Variants in RELN observed in about 807,000 individuals in gnomAD.
The protein encoded by RELN is reelin.
In RELN, 108 loss-of-function variants were observed where a neutral mutation model predicts 427.6. That is an observed-to-expected ratio of 0.25 (90% CI 0.22 to 0.30). The LOEUF (loss-of-function observed/expected upper bound fraction) is 0.30. Among genes scored for constraint, RELN ranks in the 10% least tolerant of loss-of-function variants. The pLI is 1.00. For missense variants in RELN, 3,715 were observed against 4,302.8 expected (o/e 0.86, Z 3.82); for synonymous variants, 1,524 against 1,513.4 (o/e 1.01, Z -0.16).
rs911503925 is a variant in RELN, at chr7:103,569,394, A to T, written c.4589-2635T>A. 4.6e-5 allele frequency among the ~76,000 whole-genome samples: 7 copies of T among 152,230 alleles called. No individual in the cohort carries two copies. The highest frequency in any genetic ancestry group is 1.0e-4 in the Non-Finnish European group (7 of 68,030). On this transcript the variant is annotated intron_variant, in intron 31 of 64. Transcript: ENST00000428762. This position sits in a 1 kb window ranked among gnomAD's most constrained non-coding sequence, Gnocchi z 4.0. ...GACCCTGGGCCAGAACCATTTAGCT[A>T]AGCTGCTCCAAAATTCCTGACTCAC...
At chr7:103,863,268 T>G (rs868341779) in intron 2 of RELN, among the ~76,000 whole-genome samples, 6 of 152,128 alleles carry the variant, frequency 3.9e-5, no homozygotes, top group South Asian at 2.1e-4. Context: ...TTATAGTATC[T>G]TCAAAAGACA....
At chr7:103,688,438 A>G (rs1325713105) in intron 10 of RELN, among the ~76,000 whole-genome samples, 2 of 152,080 alleles carry the variant, frequency 1.3e-5, no homozygotes, top group Non-Finnish European at 2.9e-5. Context: ...GAGGTGCCCA[A>G]TTGAACATTG....
chr7:103,908,869 T>C (rs1001120797), intron 2 of RELN, among the ~76,000 whole-genome samples: 9 of 140,778 alleles, frequency 6.4e-5, no homozygotes, highest in Non-Finnish European at 1.1e-4. Flanking sequence ...CTCTGCTCTT[T>C]GTACATTGGC....
intron 8 of RELN, among the ~76,000 whole-genome samples, chr7:103,715,794 C>T (rs1789922516): frequency 6.6e-6 from 1 of 152,226 alleles, no homozygotes; most frequent in Non-Finnish European, 1.5e-5. Context: ...TGCCCACCCC[C>T]TGCAGGTTTT....
rs116437202 is a variant in RELN, at chr7:103,489,860, A to G, written c.9645T>C (p.Thr3215=). The change falls in exon 60 of 65, where the codon ACT becomes ACC. Residue 3215 remains threonine, a synonymous_variant. Coordinates refer to ENST00000428762, the MANE Select transcript of RELN (RefSeq NM_005045.4). ...GGTCAATTGCCCAGCTTTGCTTCTC[A>G]GTTTCTTCTCCCTTCTGGATCCAGC... The part of the protein sequence containing the change: ...QFRWIQKGEE[T]EKQSWAIDHV... 3 of 1,614,142 alleles carry G rather than the reference A, an allele frequency of 1.9e-6. No individual in the cohort carries two copies. Among genetic ancestry groups the G allele is most frequent in the African/African-American group, 1.3e-5 (1 of 75,030 alleles).
At chr7:103,743,855 A>G (rs369209670) in intron 6 of RELN, among the ~76,000 whole-genome samples, 42 of 152,206 alleles carry the variant, frequency 2.8e-4, no homozygotes, top group Admixed American at 6.5e-4. Context: ...ACAGATCAAC[A>G]AGACAGAAAG....
intron 3 of RELN, among the ~76,000 whole-genome samples, chr7:103,825,960 G>C (rs1423825642): frequency 6.6e-6 from 1 of 151,994 alleles, no homozygotes; most frequent in Non-Finnish European, 1.5e-5. Flanking sequence ...CAATGCAACA[G>C]TGTTGAGAGG....
chr7:103,657,378 A>G (rs1365578382), intron 12 of RELN, among the ~76,000 whole-genome samples: 1 of 152,078 alleles, frequency 6.6e-6, no homozygotes, highest in Non-Finnish European at 1.5e-5. Flanking sequence ...GATTATATAT[A>G]AATACGTATA....
In RELN at chr7:103,539,111, C is replaced by A; in HGVS notation, c.7147G>T (p.Ala2383Ser). ...NEDSFLQIDF[A>S]ASCSVTDSCY... ...GAGTCTGTGACTGAGCAGGAGGCAGCGAAGTCTATCTGTAGGAAGGAATCC... is the reference window on the plus strand; with the variant it reads ...GAGTCTGTGACTGAGCAGGAGGCAGAGAAGTCTATCTGTAGGAAGGAATCC... The change falls in exon 45 of 65, where the codon GCT (alanine) becomes TCT (serine). Residue 2383 changes from alanine to serine, a missense_variant. Transcript: ENST00000428762. The A allele has an allele frequency of 1.2e-6, 2 of 1,614,126 alleles. No individual in the cohort carries two copies. Among genetic ancestry groups the A allele is most frequent in the Non-Finnish European group, 1.7e-6 (2 of 1,180,008 alleles).
intron 16 of RELN, among the ~76,000 whole-genome samples, chr7:103,647,125 A>G (rs974288005): frequency 1.3e-5 from 2 of 152,078 alleles, no homozygotes; most frequent in African/African-American, 4.8e-5. Context: ...AAAAAGTCAA[A>G]GCACTCCCTC....
chr7:103,938,716 C>T lies in RELN; in HGVS notation c.227-21531G>A, dbSNP rs1253424351. Among the ~76,000 whole-genome samples, 3 of 152,162 alleles carry T rather than the reference C, an allele frequency of 2.0e-5. No homozygotes were observed. In the East Asian group the frequency reaches 5.8e-4, roughly 29 times the overall value. ...ACCCTCTTGAATAAATGAGTCACCA[C>T]ATTAGGACCTCAGTCATCTGTGAGG... is the stretch of plus-strand genomic sequence containing the variant. On this transcript the variant is annotated intron_variant, in intron 1 of 64. Coordinates refer to ENST00000428762, the MANE Select transcript of RELN (RefSeq NM_005045.4).
intron 21 of RELN, 122 bp from the exon 22 acceptor site, chr7:103,610,929 T>G: frequency 1.4e-6 from 1 of 706,840 alleles, no homozygotes; most frequent in South Asian, 1.5e-5. Flanking sequence ...CTTAACTATT[T>G]GTGATATGGA....
chr7:103,956,384 G>C (rs1055609480), intron 1 of RELN, among the ~76,000 whole-genome samples: 1 of 152,216 alleles, frequency 6.6e-6, no homozygotes, highest in African/African-American at 2.4e-5. Flanking sequence ...CACTGCTGAA[G>C]TAATCTCCTG....
At chr7:103,868,277 C>A (rs920441857) in intron 2 of RELN, among the ~76,000 whole-genome samples, 2 of 152,094 alleles carry the variant, frequency 1.3e-5, no homozygotes, top group Non-Finnish European at 2.9e-5. Flanking sequence ...ATCTGATATA[C>A]AAAGAAAGCT....
intron 46 of RELN, among the ~76,000 whole-genome samples, chr7:103,526,910 G>T (rs929062713): frequency 6.6e-6 from 1 of 152,130 alleles, no homozygotes; most frequent in South Asian, 2.1e-4. Context: ...GGGGAAAAAT[G>T]GTCCCAGAGA....
intron 3 of RELN, among the ~76,000 whole-genome samples, chr7:103,832,867 G>A (rs1793307852): frequency 6.6e-6 from 1 of 152,120 alleles, no homozygotes; most frequent in South Asian, 2.1e-4. Context: ...AGCTAAATCT[G>A]TGGTCTTCTT....
chr7:103,746,510 C>T (rs1368935378), intron 6 of RELN, among the ~76,000 whole-genome samples: 7 of 151,822 alleles, frequency 4.6e-5, no homozygotes, highest in African/African-American at 1.2e-4. Flanking sequence ...ATTTTTGCAA[C>T]CTACTCATCT....
intron 64 of RELN, among the ~76,000 whole-genome samples, chr7:103,477,824 G>C (rs1432469885): frequency 6.6e-6 from 1 of 152,146 alleles, no homozygotes; most frequent in Non-Finnish European, 1.5e-5. Flanking sequence ...TATATTAAAA[G>C]TGGCCAATCT....
intron 24 of RELN, among the ~76,000 whole-genome samples, chr7:103,600,563 A>G (rs1242443260): frequency 1.3e-5 from 2 of 152,186 alleles, no homozygotes; most frequent in African/African-American, 2.4e-5. Context: ...TACTGGTTCC[A>G]GGTCTCCCTT....
Sources: allele counts gnomAD v4.1 joint callset (sites outside exome capture counted in the v4.1 genomes callset), GRCh38; gene constraint gnomAD v4.1.1; non-coding constraint Gnocchi (gnomAD v3.1); transcripts MANE v1.5; gene names NCBI Gene and HGNC (gene_info 2026-07-23, HGNC 2026-07-21).